DOT1L: variants seen among roughly 807,000 people sequenced by gnomAD.
DOT1L encodes the protein histone-lysine N-methyltransferase, H3 lysine-79 specific.
In DOT1L, 33 loss-of-function variants were observed where a neutral mutation model predicts 153.3. The observed-to-expected ratio is 0.22, with a 90% CI of 0.16 to 0.29. The LOEUF (loss-of-function observed/expected upper bound fraction) is 0.29. Among genes scored for constraint, DOT1L ranks in the 10% least tolerant of loss-of-function variants. DOT1L has a pLI of 1.00. For missense variants in DOT1L, 1,847 were observed against 2,119.9 expected (o/e 0.87, Z 2.53); for synonymous variants, 1,135 against 965.1 (o/e 1.18, Z -3.26).
Position 2,204,838 on chromosome 19 carries a change from C to T in DOT1L, c.788-1891C>T, listed in dbSNP as rs558589830. Among the ~76,000 whole-genome samples the T allele has an allele frequency of 6.6e-6, 1 of 152,272 alleles. No individual in the cohort carries two copies. The highest frequency in any genetic ancestry group is 2.4e-5 in the African/African-American group (1 of 41,560). On this transcript the variant is annotated intron_variant, in intron 9 of 27. Coordinates refer to ENST00000398665, the MANE Select transcript of DOT1L (RefSeq NM_032482.3). This position sits in a 1 kb window ranked among gnomAD's most constrained non-coding sequence, Gnocchi z 5.7. ...GCCTAACCTGTGTGCCCAGCCTGGC[C>T]CTGGAACCGCCCTTCCTGCTCCTCC...
Position 2,189,247 on chromosome 19 carries a change from C to G in DOT1L, c.201-485C>G, listed in dbSNP as rs774944796. Among the ~76,000 whole-genome samples, 71 of 152,186 alleles carry G rather than the reference C, an allele frequency of 4.7e-4. 1 individual carries two copies. Among genetic ancestry groups the G allele is most frequent in the Non-Finnish European group, 9.3e-4 (63 of 68,016 alleles). ...GTGAGGCATCTTCCTTTCTGCAGTG[C>G]TCACTCCTCCTGCACCTGCCCGGGC... On this transcript the variant is annotated intron_variant, in intron 3 of 27. Transcript: ENST00000398665.
rs761850774 is a variant in DOT1L, at chr19:2,217,763, C to T, written c.2545-9C>T. ...GACCCACGACTGGGGGTCGGGCCTT[C>T]GTCTGCAGGGCCTGAGAGAGCGCGC... On this transcript the variant is annotated splice_polypyrimidine_tract_variant and intron_variant, in intron 21 of 27. Transcript: ENST00000398665. The surrounding 1 kb of genome is among the most constrained non-coding windows in gnomAD (Gnocchi z 7.3). 1.0e-5 allele frequency: 16 copies of T among 1,596,946 alleles called. No individual in the cohort carries two copies. The highest frequency in any genetic ancestry group is 4.6e-5 in the East Asian group (2 of 43,806).
chr19:2,213,341 A>C (rs899095865), intron 16 of DOT1L, 198 bp from the exon 17 acceptor site: 2 of 540,100 alleles, frequency 3.7e-6, no homozygotes, highest in African/African-American at 3.8e-5. Context: ...AGTTCTTTGC[A>C]GTGAACCTGA....
At position 2,226,673 on chromosome 19, in the gene DOT1L, C is replaced by G. The variant is rs776776799; in HGVS notation, c.4152C>G (p.Ser1384Arg). Residue 1384 changes from serine (S) to arginine (R), a missense_variant, in exon 27 of 28, where the codon AGC (serine) becomes AGG (arginine). Ser to Arg is a moderately radical substitution (Grantham distance 110, BLOSUM62 -1). Transcript: ENST00000398665. ...TGGCTGGGCTGAAGGGCGAGGGCAG[C>G]CGCGGCAAGGAGGCAGGGGAGGGCG... ...DGLAGLKGEG[S>R]RGKEAGEGGL... 1 of 1,576,374 alleles carries G rather than the reference C, an allele frequency of 6.3e-7. No individual in the cohort carries two copies. Among genetic ancestry groups the G allele is most frequent in the Non-Finnish European group, 8.6e-7 (1 of 1,165,138 alleles).
In DOT1L at chr19:2,226,492, C is replaced by T. The variant is rs748004837; in HGVS notation, c.3971C>T (p.Ala1324Val). ...NGCTFGGGLA[A>V]DLSLHSFSDG... Reference sequence around the variant, plus strand: ...TGCACCTTCGGCGGGGGCCTGGCCGCGGACCTGAGTTTACACAGCTTCAGT... The same window carrying T: ...TGCACCTTCGGCGGGGGCCTGGCCGTGGACCTGAGTTTACACAGCTTCAGT... Residue 1324 changes from alanine (A) to valine (V), a missense_variant, in exon 27 of 28, where the codon GCG (alanine) becomes GTG (valine). Coordinates refer to ENST00000398665, the MANE Select transcript of DOT1L (RefSeq NM_032482.3). The T allele has an allele frequency of 3.1e-6, 5 of 1,600,646 alleles. No homozygotes were observed. Among genetic ancestry groups the T allele is most frequent in the East Asian group, 2.2e-5 (1 of 44,888 alleles).
At chr19:2,181,136 C>T (rs1349282087) in intron 2 of DOT1L, among the ~76,000 whole-genome samples, 1 of 152,208 alleles carries the variant, frequency 6.6e-6, no homozygotes, top group African/African-American at 2.4e-5. Flanking sequence ...CTTGGATGGG[C>T]AGGAGGCGGA....
intron 9 of DOT1L, among the ~76,000 whole-genome samples, chr19:2,206,274 C>T (rs2023486911): frequency 1.3e-5 from 2 of 152,190 alleles, no homozygotes; most frequent in Admixed American, 6.5e-5. Flanking sequence ...GCATGAGCCA[C>T]TGCACCGCGC....
intron 3 of DOT1L, among the ~76,000 whole-genome samples, chr19:2,189,499 A>C (rs2022696049): frequency 6.6e-6 from 1 of 152,206 alleles, no homozygotes; most frequent in Non-Finnish European, 1.5e-5. Flanking sequence ...CTCAGGGCTC[A>C]GTGCTTCCCT....
chr19:2,227,246 C>G (rs748293297), intron 27 of DOT1L, 119 bp downstream of exon 27: 4 of 1,323,420 alleles, frequency 3.0e-6, no homozygotes, highest in Non-Finnish European at 1.1e-6. Flanking sequence ...CCCCTGGTGC[C>G]GGCCGGCCCC....
intron 7 of DOT1L, 21 bp from the exon 8 acceptor site, chr19:2,199,863 C>G: frequency 6.2e-7 from 1 of 1,612,960 alleles, no homozygotes. Flanking sequence ...GGTCCGCGCT[C>G]ACACCTGTTT....
chr19:2,181,001 G>A (rs1361427406), intron 2 of DOT1L, among the ~76,000 whole-genome samples: 1 of 152,202 alleles, frequency 6.6e-6, no homozygotes, highest in East Asian at 1.9e-4. Context: ...GCGTTGCCCT[G>A]CCTTCCTCTG....
At chr19:2,172,833 CTTG>C (rs148574708) in intron 1 of DOT1L, among the ~76,000 whole-genome samples, 11,144 of 152,034 alleles carry the variant, frequency 0.073, 507 homozygotes, top group South Asian at 0.11. Context: ...AAATAACATC[CTTG>C]TTGTGACAGT....
chr19:2,213,797 A>G (rs369016015), intron 17 of DOT1L, 52 bp from the exon 18 acceptor site: 4 of 1,609,452 alleles, frequency 2.5e-6, no homozygotes, highest in Non-Finnish European at 3.4e-6. Context: ...CTGGGGGCTT[A>G]CTTCACCTTG....
At position 2,220,514 on chromosome 19, in the gene DOT1L, C is replaced by T. The variant is rs1485331680; in HGVS notation, c.2806+292C>T. ...AGGTCGGCCCCAGTGCTCTCGGGGGCTCCTGTACTCACAGCTGGGAGGCCC... is the reference window on the plus strand; with the variant it reads ...AGGTCGGCCCCAGTGCTCTCGGGGGTTCCTGTACTCACAGCTGGGAGGCCC... On this transcript the variant is annotated intron_variant, in intron 23 of 27. Coordinates refer to ENST00000398665, the MANE Select transcript of DOT1L (RefSeq NM_032482.3). The surrounding 1 kb of genome is among the most constrained non-coding windows in gnomAD (Gnocchi z 4.5). The T allele has an allele frequency of 3.8e-6, 2 of 526,342 alleles. No individual in the cohort carries two copies. Among genetic ancestry groups the T allele is most frequent in the East Asian group, 4.7e-5 (1 of 21,348 alleles). The allele number at this position is 526,342 out of a possible 1,614,324, so 32.6% of individuals were successfully genotyped here.
intron 25 of DOT1L, among the ~76,000 whole-genome samples, chr19:2,224,338 T>C (rs954009543): frequency 1.1e-4 from 17 of 152,200 alleles, no homozygotes; most frequent in African/African-American, 4.1e-4. Context: ...CATTCCACCC[T>C]GCCACCATGG....
At chr19:2,171,403 G>A (rs753460913) in intron 1 of DOT1L, among the ~76,000 whole-genome samples, 11 of 152,186 alleles carry the variant, frequency 7.2e-5, no homozygotes, top group Admixed American at 5.9e-4. Flanking sequence ...GCCCTGGAAG[G>A]TTCAAACAGC....
chr19:2,213,232 G>C, intron 16 of DOT1L: 1 of 306,576 alleles, frequency 3.3e-6, no homozygotes, highest in Non-Finnish European at 6.2e-6. Flanking sequence ...TATTGCCTTG[G>C]GATAAACTCC....
Position 2,164,230 on chromosome 19 carries a change from G to C in DOT1L, c.46G>C (p.Glu16Gln). 1 of 1,290,012 alleles carries C rather than the reference G, an allele frequency of 7.8e-7. No homozygotes were observed. The highest frequency in any genetic ancestry group is 9.8e-7 in the Non-Finnish European group (1 of 1,016,526). 79.9% of individuals were successfully genotyped at this position (1,290,012 alleles called of 1,614,324 possible). A position where few individuals can be genotyped will look rare whatever the true frequency, so the allele number is the denominator to read the frequency against. Residue 16 changes from glutamate to glutamine, a missense_variant, in exon 1 of 28, where the codon GAG becomes CAG. Glu to Gln is a conservative substitution (Grantham distance 29, BLOSUM62 2). Around this residue, in one of 8 missense-constraint regions of DOT1L, gnomAD observed 37 missense variants for 31.0 expected, o/e 1.19. Coordinates refer to ENST00000398665, the MANE Select transcript of DOT1L (RefSeq NM_032482.3). ...GAGACTGAAGTCGCCCGTGGGGGCT[G>C]AGCCCGCCGTCTACCCGTGGCCGCT... is the stretch of plus-strand genomic sequence containing the variant. ...ELRLKSPVGA[E>Q]PAVYPWPLPV...
intron 1 of DOT1L, among the ~76,000 whole-genome samples, chr19:2,168,829 T>G (rs2020022641): frequency 6.6e-6 from 1 of 152,194 alleles, no homozygotes; most frequent in South Asian, 2.1e-4. Context: ...TTGGCCAGGC[T>G]GGTCTCGAAC....
Sources: gnomAD v4.1 joint callset for allele counts (sites outside exome capture counted in the v4.1 genomes callset) on GRCh38, gnomAD v4.1.1 for gene constraint, gnomAD v4.1.1 regional missense constraint, Gnocchi (gnomAD v3.1) non-coding constraint, MANE v1.5 for transcripts, NCBI Gene and HGNC (gene_info 2026-07-23, HGNC 2026-07-21) for gene names.